ESRRG: variants seen among roughly 807,000 people sequenced by gnomAD.
The protein encoded by ESRRG is estrogen-related receptor gamma.
Under a neutral mutation model 44.0 loss-of-function variants are expected in ESRRG, and 13 were observed. That is an observed-to-expected ratio of 0.30 (90% CI 0.19 to 0.47). The LOEUF (loss-of-function observed/expected upper bound fraction) is 0.47, where lower values mean the gene tolerates loss of function less well. ESRRG is among the 20% of genes least tolerant of loss of function. ESRRG has a pLI of 1.00. For synonymous variants in ESRRG, 215 were observed against 214.6 expected (o/e 1.00, Z -0.02); for missense variants, 395 against 580.6 (o/e 0.68, Z 3.29).
At chr1:216,676,149 A>C (rs993635213) in intron 2 of ESRRG, among the ~76,000 whole-genome samples, 1 of 152,218 alleles carries the variant, frequency 6.6e-6, no homozygotes, top group African/African-American at 2.4e-5. Flanking sequence ...GAATTACAAG[A>C]GACCTAAAAA....
At chr1:217,056,365 A>T (rs552763395) in intron 1 of ESRRG, among the ~76,000 whole-genome samples, 6 of 152,266 alleles carry the variant, frequency 3.9e-5, no homozygotes, top group African/African-American at 1.4e-4. Context: ...ATAGGTCACC[A>T]TATATTTATT....
chr1:216,743,574 T>C (rs1248898664), intron 2 of ESRRG, among the ~76,000 whole-genome samples: 2 of 152,304 alleles, frequency 1.3e-5, no homozygotes, highest in Non-Finnish European at 2.9e-5. Flanking sequence ...AAACACATTG[T>C]GCCATGATTC....
chr1:216,677,145 C>T lies in ESRRG; in HGVS notation c.403G>A (p.Ala135Thr). The T allele has an allele frequency of 6.2e-7, 1 of 1,614,018 alleles. No individual in the cohort carries two copies. The highest frequency in any genetic ancestry group is 8.5e-7 in the Non-Finnish European group (1 of 1,179,892). Residue 135 changes from alanine (A) to threonine (T), a missense_variant, in exon 2 of 7, where the codon GCT becomes ACT. Ala to Thr is a moderately conservative substitution (Grantham distance 58, BLOSUM62 0). Around this residue, in one of 5 missense-constraint regions of ESRRG, gnomAD observed 35 missense variants for 120.1 expected, o/e 0.29. Transcript: ENST00000408911. ...KRLCLVCGDI[A>T]SGYHYGVASC... is the part of the protein sequence containing the mutation. ...GCTACCCCATAGTGGTACCCAGAAGCGATGTCACCACACACTAAACACAGT... is the reference window on the plus strand; with the variant it reads ...GCTACCCCATAGTGGTACCCAGAAGTGATGTCACCACACACTAAACACAGT...
At chr1:216,866,824 A>C (rs372264539) in intron 2 of ESRRG, among the ~76,000 whole-genome samples, 1 of 152,034 alleles carries the variant, frequency 6.6e-6, no homozygotes, top group South Asian at 2.1e-4. Context: ...TCTGGCATCC[A>C]TGGTTAGATT....
intron 1 of ESRRG, among the ~76,000 whole-genome samples, chr1:217,058,242 T>C (rs2087564507): frequency 6.6e-6 from 1 of 152,110 alleles, no homozygotes; most frequent in South Asian, 2.1e-4. Flanking sequence ...ACGCAAACGC[T>C]TTAGGCTAGA....
chr1:216,748,836 C>T (rs1014386750), intron 2 of ESRRG, among the ~76,000 whole-genome samples: 3 of 152,090 alleles, frequency 2.0e-5, no homozygotes, highest in Non-Finnish European at 4.4e-5. Flanking sequence ...GAAATAATCT[C>T]AAAACATGGT....
intron 1 of ESRRG, among the ~76,000 whole-genome samples, chr1:217,041,051 AT>A (rs2083771248): frequency 6.6e-6 from 1 of 152,172 alleles, no homozygotes; most frequent in Non-Finnish European, 1.5e-5. Context: ...AATCTTTTAC[AT>A]TTAGTTCAGT....
rs904836695 is a variant in ESRRG at position 216,503,977 on chromosome 1, A to G, written c.*2962T>C. ...CTAGTGAGGTTTAAGATGAGCATTT[A>G]CCCTAAAGCCCGTGCAGTTCTTTTT... On this transcript the variant is annotated 3_prime_UTR_variant, in exon 7 of 7. Coordinates refer to ENST00000408911, the MANE Select transcript of ESRRG (RefSeq NM_001438.4). 11 of 152,542 alleles carry G rather than the reference A, an allele frequency of 7.2e-5. No individual in the cohort carries two copies. The highest frequency in any genetic ancestry group is 4.6e-4 in the Admixed American group (7 of 15,278). The allele number at this position is 152,542 out of a possible 1,614,324, so 9.4% of individuals were successfully genotyped here. A position where few individuals can be genotyped will look rare whatever the true frequency, so the allele number is the denominator to read the frequency against.
chr1:216,912,042 T>G (rs2060371326), intron 2 of ESRRG, among the ~76,000 whole-genome samples: 1 of 148,936 alleles, frequency 6.7e-6, no homozygotes, highest in Non-Finnish European at 1.5e-5. Context: ...AAGGCTGCAG[T>G]GAGCTGAGAT....
chr1:216,799,803 GA>G (rs1399495588), intron 2 of ESRRG, among the ~76,000 whole-genome samples: 3 of 152,084 alleles, frequency 2.0e-5, no homozygotes, highest in Non-Finnish European at 4.4e-5. Context: ...AAGCAAAACA[GA>G]AACATTCCAG....
intron 2 of ESRRG, among the ~76,000 whole-genome samples, chr1:216,764,207 C>A (rs1576294926): frequency 6.6e-6 from 1 of 151,634 alleles, no homozygotes; most frequent in East Asian, 2.0e-4. Flanking sequence ...CCCCACTGCC[C>A]CCCTTTTTTA....
intron 1 of ESRRG, among the ~76,000 whole-genome samples, chr1:217,010,491 A>G (rs763475229): frequency 8.5e-5 from 13 of 152,164 alleles, no homozygotes; most frequent in Non-Finnish European, 1.8e-4. Context: ...ATCAGAAATG[A>G]GGTGGCTGGC....
At chr1:217,015,464 G>C (rs1020057395) in intron 1 of ESRRG, among the ~76,000 whole-genome samples, 2 of 152,094 alleles carry the variant, frequency 1.3e-5, no homozygotes, top group African/African-American at 4.8e-5. Context: ...GCTCAAACTA[G>C]TATCTTTTCT....
At chr1:217,103,946 A>ATG (rs1183892924) in intron 1 of ESRRG, among the ~76,000 whole-genome samples, 1 of 152,070 alleles carries the variant, frequency 6.6e-6, no homozygotes, top group Non-Finnish European at 1.5e-5. Flanking sequence ...TATCAGAGAG[A>ATG]TGGGAGTCAC....
At chr1:216,873,215 T>TTTTG (rs2096283772) in intron 2 of ESRRG, among the ~76,000 whole-genome samples, 1 of 145,990 alleles carries the variant, frequency 6.8e-6, no homozygotes, top group Non-Finnish European at 1.5e-5. Flanking sequence ...TTCAGTTTTT[T>TTTTG]TTTTTTTTTT....
chr1:216,931,297 C>T, intron 2 of ESRRG, among the ~76,000 whole-genome samples: 1 of 152,208 alleles, frequency 6.6e-6, no homozygotes, highest in East Asian at 1.9e-4. Flanking sequence ...ACCTCACCTT[C>T]AGAACTTTCT....
intron 3 of ESRRG, among the ~76,000 whole-genome samples, chr1:216,584,936 C>G (rs6662267): frequency 0.83 from 126,306 of 152,186 alleles, 52,737 homozygotes; most frequent in African/African-American, 0.87. Context: ...AGTATTAAAC[C>G]TTTCAGATGC....
chr1:216,633,148 C>T (rs930324113), intron 3 of ESRRG, among the ~76,000 whole-genome samples: 18 of 152,168 alleles, frequency 1.2e-4, no homozygotes, highest in African/African-American at 4.1e-4. Flanking sequence ...GAATGCAAAC[C>T]ATTTGCAGCA....
At chr1:216,854,200 T>A (rs2095883379) in intron 2 of ESRRG, among the ~76,000 whole-genome samples, 1 of 151,344 alleles carries the variant, frequency 6.6e-6, no homozygotes, top group Non-Finnish European at 1.5e-5. Flanking sequence ...CTACTAAAAA[T>A]ACAAAAATTA....
Sources: gnomAD v4.1 joint callset for allele counts (sites outside exome capture counted in the v4.1 genomes callset) on GRCh38, gnomAD v4.1.1 for gene constraint, gnomAD v4.1.1 regional missense constraint, MANE v1.5 for transcripts, NCBI Gene and HGNC (gene_info 2026-07-23, HGNC 2026-07-21) for gene names.